Variants in EFCAB8 observed in about 807,000 individuals in gnomAD.
The protein encoded by EFCAB8 is EF-hand calcium binding domain 8, also known as EF-hand calcium-binding domain-containing protein 8.
Under a neutral mutation model 116.3 loss-of-function variants are expected in EFCAB8, and 100 were observed. The observed-to-expected ratio is 0.86, with a 90% CI of 0.73 to 1.02. The LOEUF (loss-of-function observed/expected upper bound fraction) is 1.02. Among genes scored for constraint, EFCAB8 ranks in the 50% least tolerant of loss-of-function variants. The pLI is 0.00. For missense variants in EFCAB8, 1,320 were observed against 1,416.9 expected (o/e 0.93, Z 1.10); for synonymous variants, 558 against 567.9 (o/e 0.98, Z 0.25).
At chr20:32,940,080 C>CCTTCCTTG (rs1568942679) in intron 22 of EFCAB8, among the ~76,000 whole-genome samples, 1 of 118,726 alleles carries the variant, frequency 8.4e-6, no homozygotes, top group East Asian at 2.6e-4. Context: ...TTCCTTCCTT[C>CCTTCCTTG]CTTGCTTTTT....
At chr20:32,937,298 T>C (rs1988159686) in intron 22 of EFCAB8, among the ~76,000 whole-genome samples, 2 of 152,116 alleles carry the variant, frequency 1.3e-5, no homozygotes, top group Non-Finnish European at 2.9e-5. Flanking sequence ...AAAACCACAC[T>C]TTCTGTTGAT....
chr20:32,881,125 C>T (rs899901851), intron 5 of EFCAB8, among the ~76,000 whole-genome samples: 8 of 152,160 alleles, frequency 5.3e-5, no homozygotes, highest in African/African-American at 1.9e-4. Flanking sequence ...TTCCAAAAGC[C>T]GGAGTTGGCT....
chr20:32,917,053 G>A (rs971200505), intron 17 of EFCAB8: 4 of 495,548 alleles, frequency 8.1e-6, no homozygotes, highest in Non-Finnish European at 1.4e-5. Flanking sequence ...CTGACTGGGG[G>A]TGTATTACAC....
intron 11 of EFCAB8, among the ~76,000 whole-genome samples, chr20:32,906,202 C>T (rs17123854): frequency 0.026 from 3,924 of 152,240 alleles, 144 homozygotes; most frequent in African/African-American, 0.083. Context: ...TGTCCCAGTA[C>T]AGTTGATGTG....
intron 10 of EFCAB8, among the ~76,000 whole-genome samples, chr20:32,897,029 C>T (rs374997486): frequency 7.9e-5 from 12 of 152,318 alleles, no homozygotes; most frequent in African/African-American, 2.6e-4. Context: ...GAGACGCAGG[C>T]TCCTCTGCTG....
chr20:32,879,712 T>G (rs1319853726), intron 5 of EFCAB8, among the ~76,000 whole-genome samples: 1 of 152,106 alleles, frequency 6.6e-6, no homozygotes, highest in Non-Finnish European at 1.5e-5. Context: ...GCAAGGACGT[T>G]AGTTCAGATT....
intron 20 of EFCAB8, among the ~76,000 whole-genome samples, chr20:32,929,612 GA>G (rs1421238007): frequency 6.6e-6 from 1 of 151,420 alleles, no homozygotes; most frequent in Admixed American, 6.6e-5. Flanking sequence ...AAAGTGCTAG[GA>G]TTACAGGTAT....
chr20:32,889,916 C>T (rs983844811), intron 7 of EFCAB8, among the ~76,000 whole-genome samples: 2 of 150,702 alleles, frequency 1.3e-5, no homozygotes, highest in Admixed American at 1.3e-4. Context: ...GCAGGAGAAT[C>T]GCTTGAACCT....
At position 32,958,453 on chromosome 20, in the gene EFCAB8, C is replaced by T. The variant is rs769215443; in HGVS notation, c.2992C>T (p.Gln998Ter). The T allele has an allele frequency of 4.8e-6, 2 of 416,828 alleles. No individual in the cohort carries two copies. Among genetic ancestry groups the T allele is most frequent in the Non-Finnish European group, 8.8e-6 (2 of 226,442 alleles). The allele number at this position is 416,828 out of a possible 1,614,324, so 25.8% of individuals were successfully genotyped here. The change falls in exon 24 of 27, where the codon CAG becomes TAG. Residue 998 changes from glutamine (Q) to a stop codon, truncating the protein, a stop_gained. Transcript: ENST00000400522. LOFTEE classifies it high-confidence loss of function. ...TGGCCTGAGTGTGTGGAAAAGACTACAGGATGCCTGTGATGGTCCTCGTGA... is the reference window on the plus strand; with the variant it reads ...TGGCCTGAGTGTGTGGAAAAGACTATAGGATGCCTGTGATGGTCCTCGTGA... ...TFGLSVWKRL[Q>*]DACDGPRENR...
chr20:32,882,147 G>A (rs1375028734), intron 5 of EFCAB8, among the ~76,000 whole-genome samples: 1 of 152,036 alleles, frequency 6.6e-6, no homozygotes, highest in Non-Finnish European at 1.5e-5. Context: ...GCAGTGAGCC[G>A]AGATTGCGCC....
chr20:32,891,077 TCAGA>T (rs1266115389), intron 7 of EFCAB8, among the ~76,000 whole-genome samples: 1 of 152,230 alleles, frequency 6.6e-6, no homozygotes, highest in Non-Finnish European at 1.5e-5. Context: ...CCCTTTATCC[TCAGA>T]CAGCCCTGAG....
intron 6 of EFCAB8, among the ~76,000 whole-genome samples, chr20:32,888,968 G>C (rs544570590): frequency 3.3e-5 from 5 of 151,702 alleles, no homozygotes; most frequent in Non-Finnish European, 4.4e-5. Flanking sequence ...TGTGGGGGGC[G>C]GGGGGCGGAC....
intron 2 of EFCAB8, 82 bp downstream of exon 2, chr20:32,863,916 T>C: frequency 3.4e-6 from 5 of 1,460,368 alleles, no homozygotes; most frequent in Non-Finnish European, 4.6e-6. Flanking sequence ...CATGGAAGTA[T>C]AGGTGTTTCT....
intron 5 of EFCAB8, among the ~76,000 whole-genome samples, chr20:32,882,024 C>G (rs1437232131): frequency 6.6e-6 from 1 of 152,028 alleles, no homozygotes; most frequent in African/African-American, 2.4e-5. Context: ...ATGGTGAAAC[C>G]CTGTCTCTAC....
At chr20:32,889,111 T>C (rs1325644640) in intron 6 of EFCAB8, among the ~76,000 whole-genome samples, 190 bp from the exon 7 acceptor site, 1 of 152,084 alleles carries the variant, frequency 6.6e-6, no homozygotes, top group African/African-American at 2.4e-5. Flanking sequence ...ATTTTACGAA[T>C]GTGGAAACTG....
At chr20:32,863,878 C>T in intron 2 of EFCAB8, 44 bp downstream of exon 2, 1 of 1,545,988 alleles carries the variant, frequency 6.5e-7, no homozygotes, top group Non-Finnish European at 8.7e-7. Context: ...TGGGGCATTC[C>T]AGAGTCACCC....
In EFCAB8 at chr20:32,917,344, AC is replaced by A; in HGVS notation, c.1902del (p.Tyr635ThrfsTer7). 1 of 1,551,720 alleles carries A rather than the reference AC, an allele frequency of 6.4e-7. No homozygotes were observed. Among genetic ancestry groups the A allele is most frequent in the Non-Finnish European group, 8.7e-7 (1 of 1,146,990 alleles). On this transcript the variant is annotated frameshift_variant, in exon 18 of 27. Coordinates refer to ENST00000400522, the MANE Select transcript of EFCAB8 (RefSeq NM_001143967.2). LOFTEE classifies it high-confidence loss of function. ...KPVLLCYHWQ[T>X]YHTEDILSMA... ...AGTGCTCTTGTGCTACCACTGGCAG[AC>A]CTACCACACGGAGGACATCCTGAGC...
At chr20:32,912,267 G>A (rs934002994) in intron 16 of EFCAB8, among the ~76,000 whole-genome samples, 3 of 151,802 alleles carry the variant, frequency 2.0e-5, no homozygotes, top group South Asian at 2.1e-4. Flanking sequence ...TGAAACTCCC[G>A]TCTCTGCCAA....
At chr20:32,918,251 C>A in intron 18 of EFCAB8, 111 bp from the exon 19 acceptor site, 4 of 1,118,990 alleles carry the variant, frequency 3.6e-6, no homozygotes, top group Non-Finnish European at 5.1e-6. Context: ...TTCTGGGAAG[C>A]AAGCCCTGGG....
Sources: gnomAD v4.1 joint callset for allele counts (sites outside exome capture counted in the v4.1 genomes callset) on GRCh38, gnomAD v4.1.1 for gene constraint, MANE v1.5 for transcripts, NCBI Gene and HGNC (gene_info 2026-07-23, HGNC 2026-07-21) for gene names.